The following FGD3 variants were observed in gnomAD, a reference collection of about 807,000 sequenced individuals.
FGD3 encodes FYVE, RhoGEF and PH domain-containing protein 3.
FGD3 carries 45 observed loss-of-function variants against 71.8 expected under a neutral mutation model. That is an observed-to-expected ratio of 0.63 (90% CI 0.49 to 0.80). The LOEUF is 0.80. Among genes scored for constraint, FGD3 ranks in the 30% least tolerant of loss-of-function variants. The pLI, the probability that FGD3 is intolerant of heterozygous loss-of-function variation, is 0.00. For synonymous variants in FGD3, 378 were observed against 392.8 expected (o/e 0.96, Z 0.44); for missense variants, 844 against 951.5 (o/e 0.89, Z 1.49).
rs373857408 is a variant in FGD3, at chr9:93,035,463, C to T, written c.2052C>T (p.Ser684=). The change falls in exon 18 of 18, where the codon AGC becomes AGT. Residue 684 remains serine (S), a synonymous_variant. Coordinates refer to ENST00000375482, the MANE Select transcript of FGD3 (RefSeq NM_001083536.2). ...LQWAKQSWYL[S]ASSAELQQQW... ...GGGCCAAGCAGTCCTGGTACCTGAGCGCCTCCTCCGCAGAGCTGCAGCAGC... is the reference window on the plus strand; with the variant it reads ...GGGCCAAGCAGTCCTGGTACCTGAGTGCCTCCTCCGCAGAGCTGCAGCAGC... The T allele has an allele frequency of 9.3e-6, 15 of 1,613,250 alleles. No homozygotes were observed. The highest frequency in any genetic ancestry group is 5.5e-5 in the South Asian group (5 of 91,004).
intron 8 of FGD3, among the ~76,000 whole-genome samples, chr9:93,013,313 T>A (rs1226850100): frequency 1.3e-5 from 2 of 152,232 alleles, no homozygotes; most frequent in Non-Finnish European, 2.9e-5. Context: ...CTCAGACATG[T>A]GGCTGTTGTC....
chr9:93,029,386 G>C lies in FGD3; in HGVS notation c.1558-488G>C, dbSNP rs1202513009. 2.0e-5 allele frequency among the ~76,000 whole-genome samples: 3 copies of C among 152,156 alleles called. No individual in the cohort carries two copies. The East Asian group carries it at 5.8e-4, about 29-fold the overall frequency. Reference sequence around the variant, plus strand: ...GCTTGTCTGCACACTCAGGCATGTGGGTGCACACCTATATTCATCCATGTG... The same window carrying C: ...GCTTGTCTGCACACTCAGGCATGTGCGTGCACACCTATATTCATCCATGTG... On this transcript the variant is annotated intron_variant, in intron 14 of 17. Transcript: ENST00000375482.
Position 92,956,399 on chromosome 9 carries a change from G to A in FGD3, c.-218+8670G>A, listed in dbSNP as rs1419604535. Among the ~76,000 whole-genome samples the A allele has an allele frequency of 2.0e-5, 3 of 152,124 alleles. No homozygotes were observed. The South Asian group carries it at 6.2e-4, about 31-fold the overall frequency. On this transcript the variant is annotated intron_variant, in intron 1 of 17. Coordinates refer to ENST00000375482, the MANE Select transcript of FGD3 (RefSeq NM_001083536.2). Reference sequence around the variant, plus strand: ...TGAAGCCCTAATCCCCAGTACCTCCGAATGTAACTGTGTTGGAGACAGGGC... The same window carrying A: ...TGAAGCCCTAATCCCCAGTACCTCCAAATGTAACTGTGTTGGAGACAGGGC...
chr9:92,973,760 A>C (rs945841907), intron 1 of FGD3, among the ~76,000 whole-genome samples: 1 of 152,072 alleles, frequency 6.6e-6, no homozygotes, highest in African/African-American at 2.4e-5. Flanking sequence ...CTCTGGCCTC[A>C]TGTGCTCTCC....
intron 8 of FGD3, among the ~76,000 whole-genome samples, chr9:93,011,896 C>T (rs1171023952): frequency 3.5e-4 from 49 of 141,490 alleles, no homozygotes; most frequent in Middle Eastern, 4.2e-3. Context: ...CGGTGGCTCA[C>T]GCCTGTAATC....
intron 14 of FGD3, among the ~76,000 whole-genome samples, chr9:93,028,407 A>C (rs1379815762): frequency 6.6e-6 from 1 of 151,818 alleles, no homozygotes; most frequent in African/African-American, 2.4e-5. Context: ...GGTTGAGATA[A>C]ACATTTCTAG....
At chr9:93,002,813 C>A (rs1860905672) in intron 3 of FGD3, 112 bp from the exon 4 acceptor site, 2 of 1,007,154 alleles carry the variant, frequency 2.0e-6, no homozygotes, top group South Asian at 2.8e-5. Context: ...GCCCCAGTGG[C>A]CTCCTGCCAC....
rs1262467085 is a variant in FGD3 at position 92,995,833 on chromosome 9, T to C, written c.454-7092T>C. Among the ~76,000 whole-genome samples the C allele has an allele frequency of 2.6e-5, 4 of 152,204 alleles. 1 individual carries two copies. Among genetic ancestry groups the C allele is most frequent in the East Asian group, 3.8e-4 (2 of 5,202 alleles). ...CATCCCAGGGATGAGGCCAACTTGA[T>C]GGTGATGGATAAGCCTTTTGATGTG... is the stretch of plus-strand genomic sequence containing the variant. On this transcript the variant is annotated intron_variant, in intron 3 of 17. Coordinates refer to ENST00000375482, the MANE Select transcript of FGD3 (RefSeq NM_001083536.2).
In FGD3 at chr9:93,010,972, C is replaced by G. The variant is rs543662097; in HGVS notation, c.977-242C>G. Among the ~76,000 whole-genome samples, 10 of 152,146 alleles carry G rather than the reference C, an allele frequency of 6.6e-5. 1 individual carries two copies. The East Asian group carries it at 1.9e-3, about 30-fold the overall frequency. On this transcript the variant is annotated intron_variant, in intron 7 of 17. Coordinates refer to ENST00000375482, the MANE Select transcript of FGD3 (RefSeq NM_001083536.2). Reference sequence around the variant, plus strand: ...GTGGCTGGCAGGCAGCCCGGACAGGCGTCTGTGCAGAATCGTGGGAGCCCC... The same window carrying G: ...GTGGCTGGCAGGCAGCCCGGACAGGGGTCTGTGCAGAATCGTGGGAGCCCC...
In FGD3 at chr9:92,976,110, G is replaced by A. The variant is rs541076102; in HGVS notation, c.-49-98G>A. The A allele has an allele frequency of 1.8e-4, 127 of 704,626 alleles. 1 individual carries two copies. The South Asian group carries it at 2.0e-3, about 11-fold the overall frequency. The allele number at this position is 704,626 out of a possible 1,614,324, so 43.6% of individuals were successfully genotyped here. ...ACCTGCTCCAGGCTTTCGGTGGGGG[G>A]CGGAGGGTACTGCCTGGGAGCTGCA... On this transcript the variant is annotated intron_variant, in intron 2 of 17. Transcript: ENST00000375482.
At chr9:93,025,195 C>T (rs1384233178) in intron 14 of FGD3, among the ~76,000 whole-genome samples, 1 of 152,220 alleles carries the variant, frequency 6.6e-6, no homozygotes, top group African/African-American at 2.4e-5. Context: ...TCAGCTGCCT[C>T]AGGTTCTGCA....
intron 14 of FGD3, among the ~76,000 whole-genome samples, chr9:93,023,658 C>T (rs1215758005): frequency 6.6e-6 from 1 of 152,116 alleles, no homozygotes. Flanking sequence ...CTGAGATGCC[C>T]TGGGTTCCCC....
At chr9:92,960,408 G>A (rs779475174) in intron 1 of FGD3, among the ~76,000 whole-genome samples, 38 of 152,100 alleles carry the variant, frequency 2.5e-4, no homozygotes, top group Non-Finnish European at 4.3e-4. Flanking sequence ...AGCAGAGTTT[G>A]CCTTATGCTG....
chr9:92,987,830 A>G (rs1273010432), intron 3 of FGD3, among the ~76,000 whole-genome samples: 1 of 152,216 alleles, frequency 6.6e-6, no homozygotes, highest in Non-Finnish European at 1.5e-5. Context: ...AGACGGTCAT[A>G]TACCAATTAC....
intron 3 of FGD3, among the ~76,000 whole-genome samples, chr9:92,985,047 G>A (rs938319178): frequency 4.6e-5 from 7 of 152,218 alleles, no homozygotes; most frequent in African/African-American, 1.7e-4. Flanking sequence ...ATCAGGGGTT[G>A]GGATTCTGTC....
chr9:93,026,240 G>C (rs1029314842), intron 14 of FGD3, among the ~76,000 whole-genome samples: 17 of 152,286 alleles, frequency 1.1e-4, no homozygotes, highest in African/African-American at 4.1e-4. Flanking sequence ...GAAGTCACTC[G>C]GTCAGATACT....
chr9:92,983,668 T>G (rs1860082711), intron 3 of FGD3, among the ~76,000 whole-genome samples: 1 of 152,260 alleles, frequency 6.6e-6, no homozygotes, highest in South Asian at 2.1e-4. Context: ...AATAAAACTC[T>G]GTTGTGCTTT....
intron 3 of FGD3, among the ~76,000 whole-genome samples, chr9:92,995,347 T>G (rs997680908): frequency 4.6e-5 from 7 of 152,222 alleles, no homozygotes; most frequent in African/African-American, 1.7e-4. Flanking sequence ...TTTGGTGAAG[T>G]TGCTTATCAG....
chr9:92,954,979 G>A (rs1202699908), intron 1 of FGD3, among the ~76,000 whole-genome samples: 2 of 152,184 alleles, frequency 1.3e-5, no homozygotes, highest in African/African-American at 2.4e-5. Context: ...GAGTGATGGC[G>A]ATATGGTGTC....
Sources: gnomAD v4.1 joint callset for allele counts (sites outside exome capture counted in the v4.1 genomes callset) on GRCh38, gnomAD v4.1.1 for gene constraint, MANE v1.5 for transcripts, NCBI Gene and HGNC (gene_info 2026-07-23, HGNC 2026-07-21) for gene names.